The following NCALD variants were observed in gnomAD, a reference collection of about 807,000 sequenced individuals.
NCALD encodes neurocalcin delta.
NCALD carries 10 observed loss-of-function variants against 18.6 expected under a neutral mutation model. The observed-to-expected ratio is 0.54, with a 90% CI of 0.33 to 0.91. The LOEUF is 0.91. NCALD is among the 40% of genes least tolerant of loss of function. The probability of loss-of-function intolerance (pLI) is 0.03; values close to 1 mark genes in which losing one functional copy is unlikely to be tolerated. For synonymous variants in NCALD, 88 were observed against 87.4 expected, an observed-to-expected ratio of 1.01 and a Z score of -0.04; for missense variants, 184 against 247.6, an observed-to-expected ratio of 0.74 and a Z score of 1.72.
intron 2 of NCALD, among the ~76,000 whole-genome samples, chr8:102,006,887 T>C (rs554123634): frequency 2.0e-5 from 3 of 152,350 alleles, no homozygotes; most frequent in Non-Finnish European, 4.4e-5. Flanking sequence ...TTATGTGTCC[T>C]GCTGGGTCCC....
chr8:101,796,585 AAAG>A (rs1268610490), intron 4 of NCALD, among the ~76,000 whole-genome samples: 2 of 152,228 alleles, frequency 1.3e-5, no homozygotes, highest in Non-Finnish European at 2.9e-5. Flanking sequence ...ATACACAAAA[AAAG>A]AAAACTAATG....
At chr8:102,043,880 C>G (rs1264650666) in intron 1 of NCALD, among the ~76,000 whole-genome samples, 1 of 151,784 alleles carries the variant, frequency 6.6e-6, no homozygotes, top group Non-Finnish European at 1.5e-5. Context: ...GCTTCCCTCT[C>G]CCTACCTGAA....
At chr8:102,088,704 T>A (rs1824822414) in intron 1 of NCALD, among the ~76,000 whole-genome samples, 1 of 151,922 alleles carries the variant, frequency 6.6e-6, no homozygotes, top group African/African-American at 2.4e-5. Context: ...TGTTTTTGAC[T>A]AAAACAAAAA....
rs993919877 is a variant in NCALD, at chr8:101,688,122, A to T, written c.*1187T>A. ...GTATGTGATGTTTTTTCGAGTCTGC[A>T]GAGTATTGATCTGCTCAGAAAAGCA... On this transcript the variant is annotated 3_prime_UTR_variant, in exon 4 of 4. Coordinates refer to ENST00000220931, the MANE Select transcript of NCALD (RefSeq NM_032041.3). 1 of 152,968 alleles carries T rather than the reference A, an allele frequency of 6.5e-6. No individual in the cohort carries two copies. Among genetic ancestry groups the T allele is most frequent in the Non-Finnish European group, 1.5e-5 (1 of 68,556 alleles). The allele number at this position is 152,968 out of a possible 1,614,324, so 9.5% of individuals were successfully genotyped here. A position where few individuals can be genotyped will look rare whatever the true frequency, so the allele number is the denominator to read the frequency against.
At chr8:101,719,876 T>C (rs1413622553) in intron 1 of NCALD, among the ~76,000 whole-genome samples, 1 of 152,202 alleles carries the variant, frequency 6.6e-6, no homozygotes, top group Non-Finnish European at 1.5e-5. Context: ...AGAAAATGAA[T>C]ACTTCTTTTA....
chr8:101,927,894 T>C (rs907874679), intron 2 of NCALD, among the ~76,000 whole-genome samples: 1 of 152,166 alleles, frequency 6.6e-6, no homozygotes, highest in Non-Finnish European at 1.5e-5. Context: ...GTGCAACCTG[T>C]TCTCCTATTA....
intron 1 of NCALD, among the ~76,000 whole-genome samples, chr8:102,061,618 A>G (rs1823852105): frequency 6.6e-6 from 1 of 152,146 alleles, no homozygotes; most frequent in Non-Finnish European, 1.5e-5. Flanking sequence ...TTTGCTGCTG[A>G]TTCCCAATAG....
At chr8:101,894,851 T>A (rs1308700603) in intron 3 of NCALD, among the ~76,000 whole-genome samples, 4 of 149,850 alleles carry the variant, frequency 2.7e-5, no homozygotes, top group African/African-American at 1.0e-4. Flanking sequence ...TAACAGGATC[T>A]GAAATTGTGG....
chr8:101,828,335 G>T (rs935676542), intron 4 of NCALD, among the ~76,000 whole-genome samples: 1 of 152,078 alleles, frequency 6.6e-6, no homozygotes, highest in African/African-American at 2.4e-5. Context: ...TTACTACCCC[G>T]ATTCAATGCT....
chr8:101,943,807 G>T (rs193198579), intron 2 of NCALD, among the ~76,000 whole-genome samples: 1 of 152,232 alleles, frequency 6.6e-6, no homozygotes, highest in East Asian at 1.9e-4. Flanking sequence ...CAGGCATGGT[G>T]GCGGGCTCCT....
intron 2 of NCALD, among the ~76,000 whole-genome samples, chr8:102,018,996 T>C (rs1034893353): frequency 2.1e-4 from 32 of 152,212 alleles, no homozygotes; most frequent in Admixed American, 9.8e-4. Flanking sequence ...TTGTAACACA[T>C]ACATCCTACC....
intron 3 of NCALD, among the ~76,000 whole-genome samples, chr8:101,914,180 T>TC (rs1817897774): frequency 6.6e-6 from 1 of 152,190 alleles, no homozygotes; most frequent in African/African-American, 2.4e-5. Flanking sequence ...TGTGACTATC[T>TC]CTCAGACTTG....
chr8:101,696,774 A>G (rs931542055), intron 2 of NCALD, among the ~76,000 whole-genome samples: 1 of 152,206 alleles, frequency 6.6e-6, no homozygotes, highest in East Asian at 1.9e-4. Context: ...GCAACATACC[A>G]GAATCTCTGG....
intron 3 of NCALD, among the ~76,000 whole-genome samples, chr8:101,911,028 C>CA (rs1156976082): frequency 6.6e-6 from 1 of 151,928 alleles, no homozygotes; most frequent in Non-Finnish European, 1.5e-5. Context: ...TTCCTATTTT[C>CA]AAAAAAGACC....
At chr8:102,092,381 A>G (rs1279731832) in intron 1 of NCALD, among the ~76,000 whole-genome samples, 2 of 152,152 alleles carry the variant, frequency 1.3e-5, no homozygotes, top group Non-Finnish European at 2.9e-5. Context: ...TTACTTTCCT[A>G]ATAAACTTGT....
At chr8:101,905,628 C>T (rs765366242) in intron 3 of NCALD, among the ~76,000 whole-genome samples, 9 of 152,216 alleles carry the variant, frequency 5.9e-5, no homozygotes, top group Non-Finnish European at 1.0e-4. Flanking sequence ...CCCCTCCACA[C>T]ACCACTCAAT....
At chr8:101,855,775 C>A (rs1253007169) in intron 4 of NCALD, among the ~76,000 whole-genome samples, 1 of 151,976 alleles carries the variant, frequency 6.6e-6, no homozygotes. Context: ...GGGATGATCC[C>A]CAGAACCAAC....
At chr8:101,760,922 T>C (rs1436168390) in intron 1 of NCALD, among the ~76,000 whole-genome samples, 1 of 150,432 alleles carries the variant, frequency 6.6e-6, no homozygotes, top group African/African-American at 2.5e-5. Context: ...GTTAGTAGAG[T>C]GCAAATGGGT....
chr8:101,939,337 T>C (rs576973881), intron 2 of NCALD, among the ~76,000 whole-genome samples: 1 of 152,322 alleles, frequency 6.6e-6, no homozygotes, highest in South Asian at 2.1e-4. Context: ...CATATCTTAA[T>C]TGATAAGATG....
Sources: allele counts gnomAD v4.1 joint callset (sites outside exome capture counted in the v4.1 genomes callset), GRCh38; gene constraint gnomAD v4.1.1; transcripts MANE v1.5; gene names NCBI Gene and HGNC (gene_info 2026-07-23, HGNC 2026-07-21).